The following ARR3 variants were observed in gnomAD, a reference collection of about 807,000 sequenced individuals.
The protein encoded by ARR3 is arrestin-C.
A neutral mutation model predicts 35.4 loss-of-function variants in ARR3; 14 were observed. The ratio of observed to expected loss-of-function variants is 0.40; its 90% CI spans 0.26 to 0.62. The LOEUF (loss-of-function observed/expected upper bound fraction) is 0.62. Ranked by LOEUF, ARR3 falls within the 20% of genes least tolerant of loss-of-function variation. The pLI is 0.46. For synonymous variants in ARR3, 97 were observed against 119.1 expected (o/e 0.81, Z 1.21); for missense variants, 259 against 303.8 (o/e 0.85, Z 1.10).
At chrX:70,274,078 C>A (rs1184290426) in intron 5 of ARR3, among the ~76,000 whole-genome samples, 5 of 110,300 alleles carry the variant, frequency 4.5e-5, no homozygotes, top group African/African-American at 1.7e-4. Context: ...TGGCTCCATA[C>A]TTCTACTCCA....
chrX:70,276,870 C>T, intron 8 of ARR3, 134 bp downstream of exon 8: 2 of 561,039 alleles, frequency 3.6e-6, no homozygotes, highest in Non-Finnish European at 2.8e-6. Flanking sequence ...GTTCTGAGTC[C>T]CCTCTGACTT....
intron 5 of ARR3, among the ~76,000 whole-genome samples, chrX:70,271,266 C>A: frequency 8.9e-6 from 1 of 112,298 alleles, no homozygotes; most frequent in East Asian, 2.8e-4. Flanking sequence ...GGAAGAGATG[C>A]ATTTTTCCTT....
At chrX:70,273,373 C>G (rs1292725611) in intron 5 of ARR3, among the ~76,000 whole-genome samples, 1 of 109,643 alleles carries the variant, frequency 9.1e-6, no homozygotes, top group Non-Finnish European at 1.9e-5. Context: ...AGGTGCCCAC[C>G]ACCACGCCCG....
At chrX:70,275,102 C>T (rs1442807070) in intron 5 of ARR3, among the ~76,000 whole-genome samples, 2 of 112,420 alleles carry the variant, frequency 1.8e-5, no homozygotes, top group African/African-American at 6.5e-5. Context: ...CTCTCCTGAA[C>T]AAAAGCTCCT....
At chrX:70,278,728 A>G (rs778542512) in intron 12 of ARR3, 87 bp downstream of exon 12, 2 of 1,096,184 alleles carry the variant, frequency 1.8e-6, no homozygotes, top group East Asian at 6.2e-5. Context: ...TTTCATGTTC[A>G]GTAAAGCCTA....
In ARR3 at chrX:70,276,196, C is replaced by A; in HGVS notation, c.260C>A (p.Ser87Tyr). The change falls in exon 6 of 17, where the codon TCC becomes TAC. Residue 87 changes from serine (S) to tyrosine (Y), a missense_variant. Ser to Tyr is a moderately radical substitution (Grantham distance 144). Coordinates refer to ENST00000307959, the MANE Select transcript of ARR3 (RefSeq NM_004312.3). ...ACCCTGCAAGTGGTCCCAGCTGAATCCAGCAGCCCTCAGGGGCCCCTCACA... is the reference window on the plus strand; with the variant it reads ...ACCCTGCAAGTGGTCCCAGCTGAATACAGCAGCCCTCAGGGGCCCCTCACA... Reference protein sequence around the residue: ...VQTLQVVPAESSSPQGPLTVL... With the variant: ...VQTLQVVPAEYSSPQGPLTVL... The A allele has an allele frequency of 1.1e-5, 13 of 1,211,877 alleles. No individual in the cohort carries two copies. The highest frequency in any genetic ancestry group is 1.5e-5 in the Non-Finnish European group (13 of 895,514).
intron 16 of ARR3, 141 bp from the exon 17 acceptor site, chrX:70,281,535 G>A: frequency 2.0e-6 from 1 of 511,697 alleles, no homozygotes; most frequent in Non-Finnish European, 3.3e-6. Context: ...TGGAAAAGTG[G>A]GGACACCAAG....
chrX:70,276,112 A>G lies in ARR3; in HGVS notation c.176A>G (p.Tyr59Cys). 1 of 1,211,607 alleles carries G rather than the reference A, an allele frequency of 8.3e-7. No individual in the cohort carries two copies. The highest frequency in any genetic ancestry group is 1.1e-6 in the Non-Finnish European group (1 of 895,459). The stretch of plus-strand genomic sequence containing the variant: ...GTCATGTTGACATGTGCCTTTCGCT[A>G]TGGCCGTGATGACTTGGAAGTGATT... ...LFVMLTCAFR[Y>C]GRDDLEVIGL... The change falls in exon 6 of 17, where the codon TAT becomes TGT. Residue 59 changes from tyrosine to cysteine, a missense_variant. Tyr to Cys is a radical substitution (Grantham distance 194, BLOSUM62 -2). Coordinates refer to ENST00000307959, the MANE Select transcript of ARR3 (RefSeq NM_004312.3).
chrX:70,278,381 A>G, intron 11 of ARR3, 123 bp from the exon 12 acceptor site: 1 of 905,055 alleles, frequency 1.1e-6, no homozygotes, highest in Non-Finnish European at 1.5e-6. Context: ...TCAGTTAAAC[A>G]TGTTACCTCT....
chrX:70,273,954 T>G (rs949723149), intron 5 of ARR3, among the ~76,000 whole-genome samples: 1 of 110,515 alleles, frequency 9.0e-6, no homozygotes, highest in Admixed American at 9.7e-5. Context: ...GCCTCCTGTG[T>G]GTCCTTCCCT....
chrX:70,277,298 C>T, intron 8 of ARR3, 96 bp from the exon 9 acceptor site: 2 of 1,098,277 alleles, frequency 1.8e-6, no homozygotes, highest in Admixed American at 2.9e-5. Flanking sequence ...CCCCTGCTCC[C>T]ATTCTTAAGC....
At chrX:70,273,913 G>A (rs757077615) in intron 5 of ARR3, among the ~76,000 whole-genome samples, 1 of 110,926 alleles carries the variant, frequency 9.0e-6, no homozygotes, top group Non-Finnish European at 1.9e-5. Flanking sequence ...TCATCACCAA[G>A]CTTTAAAAAG....
chrX:70,281,009 G>GT lies in ARR3; in HGVS notation c.1067-90_1067-89insT, dbSNP rs761005507. 50 of 948,592 alleles carry GT rather than the reference G, an allele frequency of 5.3e-5. No homozygotes were observed. In the Middle Eastern group the frequency reaches 1.5e-3, roughly 28 times the overall value. 78.2% of individuals were successfully genotyped at this position (948,592 alleles called of 1,213,427 possible). A position where few individuals can be genotyped will look rare whatever the true frequency, so the allele number is the denominator to read the frequency against. ...AGCAAAGGATTGGGAAGTTGGGGGG[G>GT]GGGGAAGTAAAGATACTTCTTCAGG... On this transcript the variant is annotated intron_variant, in intron 15 of 16. Coordinates refer to ENST00000307959, the MANE Select transcript of ARR3 (RefSeq NM_004312.3).
At chrX:70,271,701 A>G (rs1289952350) in intron 5 of ARR3, among the ~76,000 whole-genome samples, 2 of 112,331 alleles carry the variant, frequency 1.8e-5, no homozygotes, top group Non-Finnish European at 3.8e-5. Context: ...AAAGTTGAGA[A>G]GCACACATAA....
chrX:70,269,924 G>A (rs779615525), intron 4 of ARR3, 21 bp downstream of exon 4: 2 of 1,201,402 alleles, frequency 1.7e-6, no homozygotes, highest in African/African-American at 3.5e-5. Flanking sequence ...CCAAAAAAGG[G>A]AAGCCTGGGG....
At chrX:70,269,520 C>T (rs1231969516) in intron 2 of ARR3, 127 bp downstream of exon 2, 1 of 966,802 alleles carries the variant, frequency 1.0e-6, no homozygotes, top group Non-Finnish European at 1.4e-6. Flanking sequence ...CCCCAATTAT[C>T]CCTACCTTTG....
In ARR3 at chrX:70,276,498, G is replaced by A. The variant is rs757655012; in HGVS notation, c.405+6G>A. ...GTCCTGAAGATGCAGGAAAGGTGAG[G>A]ACTGGGTTCTAAGAAAGAGGGATAG... On this transcript the variant is annotated splice_donor_region_variant and intron_variant, in intron 7 of 16. Transcript: ENST00000307959. 3 of 1,208,941 alleles carry A rather than the reference G, an allele frequency of 2.5e-6. No individual in the cohort carries two copies. In the Admixed American group the frequency reaches 6.5e-5, roughly 26 times the overall value.
chrX:70,273,336 C>T (rs891469595), intron 5 of ARR3, among the ~76,000 whole-genome samples: 7 of 106,187 alleles, frequency 6.6e-5, no homozygotes, highest in African/African-American at 2.4e-4. Flanking sequence ...ATTCTCCTGC[C>T]TCAGCCTCCT....
intron 12 of ARR3, among the ~76,000 whole-genome samples, chrX:70,279,779 A>G (rs2147643503): frequency 8.9e-6 from 1 of 112,230 alleles, no homozygotes; most frequent in African/African-American, 3.2e-5. Flanking sequence ...CAGAGGAAAA[A>G]AAGGAGCACT....
Sources: gnomAD v4.1 joint callset for allele counts (sites outside exome capture counted in the v4.1 genomes callset) on GRCh38, gnomAD v4.1.1 for gene constraint, MANE v1.5 for transcripts, NCBI Gene and HGNC (gene_info 2026-07-23, HGNC 2026-07-21) for gene names.